The following CCDC192 variants were observed in gnomAD, a reference collection of about 807,000 sequenced individuals.
CCDC192 encodes coiled-coil domain containing 192, also known as coiled-coil domain-containing protein 192.
chr5:127,785,061 A>G (rs1249026609), intron 3 of CCDC192: 6 of 503,312 alleles, frequency 1.2e-5, no homozygotes, highest in South Asian at 4.4e-5. Context: ...TTTGAGTGCA[A>G]TCAGTCAGCT....
rs1754002190 is a variant in CCDC192, at chr5:127,930,646, AC to A, written c.536-10532del. 3.3e-5 allele frequency among the ~76,000 whole-genome samples: 5 copies of A among 152,198 alleles called. No individual in the cohort carries two copies. In the South Asian group the frequency reaches 1.0e-3, roughly 31 times the overall value. On this transcript the variant is annotated intron_variant, in intron 6 of 6. Transcript: ENST00000514853. The stretch of plus-strand genomic sequence containing the variant: ...AACAGTCTTCTCAACCTTACCAAGA[AC>A]CCCTTCTGTAAAATATTCTGATGTG...
At chr5:127,921,746 A>ACCT (rs914250385) in intron 6 of CCDC192, among the ~76,000 whole-genome samples, 1 of 151,830 alleles carries the variant, frequency 6.6e-6, no homozygotes, top group Non-Finnish European at 1.5e-5. Flanking sequence ...TAGGCCCCGA[A>ACCT]CCTCCCCTTG....
At chr5:127,937,719 G>A (rs968212240) in intron 6 of CCDC192, among the ~76,000 whole-genome samples, 3 of 152,310 alleles carry the variant, frequency 2.0e-5, no homozygotes, top group African/African-American at 4.8e-5. Flanking sequence ...CCAGAAGGGC[G>A]ATGTGGTCCT....
intron 2 of CCDC192, among the ~76,000 whole-genome samples, chr5:127,717,417 C>A (rs931368407): frequency 1.3e-5 from 2 of 151,944 alleles, no homozygotes; most frequent in Non-Finnish European, 2.9e-5. Context: ...AGCCTAAATT[C>A]TCTGCAGAAA....
intron 3 of CCDC192, among the ~76,000 whole-genome samples, chr5:127,768,348 G>A (rs1755351930): frequency 6.6e-6 from 1 of 152,056 alleles, no homozygotes; most frequent in African/African-American, 2.4e-5. Context: ...TGAAAATTTG[G>A]TCACACTCAT....
intron 5 of CCDC192, among the ~76,000 whole-genome samples, chr5:127,822,815 G>A (rs1204472442): frequency 6.6e-6 from 1 of 152,194 alleles, no homozygotes; most frequent in Non-Finnish European, 1.5e-5. Context: ...CCTCAAGCGT[G>A]AAGTGCTGTT....
intron 2 of CCDC192, among the ~76,000 whole-genome samples, chr5:127,720,081 A>G (rs1751932664): frequency 2.0e-5 from 3 of 152,116 alleles, no homozygotes; most frequent in Non-Finnish European, 4.4e-5. Flanking sequence ...ACCTTTCTCA[A>G]CAATCTCCCA....
At position 127,941,187 on chromosome 5, in the gene CCDC192, A is replaced by G; in HGVS notation, c.541A>G (p.Ser181Gly). 1 of 399,098 alleles carries G rather than the reference A, an allele frequency of 2.5e-6. No homozygotes were observed. The highest frequency in any genetic ancestry group is 4.4e-6 in the Non-Finnish European group (1 of 226,068). 24.7% of individuals were successfully genotyped at this position (399,098 alleles called of 1,614,324 possible). Residue 181 changes from serine (S) to glycine (G), a missense_variant, in exon 7 of 7, where the codon AGC becomes GGC. Physicochemically the swap from Ser to Gly is moderately conservative, Grantham distance 56 (BLOSUM62 0). Transcript: ENST00000514853. ...YEGKPAPREDSLLEGFCGGLP... is the reference protein window; with the variant it reads ...YEGKPAPREDGLLEGFCGGLP... ...CCTTTTCTTGTTTGCTTTAGAAGAC[A>G]GCTTGCTGGAAGGGTTCTGTGGAGG...
At chr5:127,720,649 G>A (rs111399951) in intron 2 of CCDC192, among the ~76,000 whole-genome samples, 1 of 152,202 alleles carries the variant, frequency 6.6e-6, no homozygotes, top group Non-Finnish European at 1.5e-5. Context: ...CCTAGTAGAG[G>A]TTCTCCATGA....
intron 5 of CCDC192, among the ~76,000 whole-genome samples, chr5:127,836,260 A>G (rs1168823089): frequency 6.6e-6 from 1 of 152,224 alleles, no homozygotes; most frequent in Non-Finnish European, 1.5e-5. Flanking sequence ...CCACACTGAT[A>G]CAAGAGGTGG....
chr5:127,765,017 A>G (rs1755140040), intron 3 of CCDC192, among the ~76,000 whole-genome samples: 1 of 152,180 alleles, frequency 6.6e-6, no homozygotes. Flanking sequence ...ACCAATGCAA[A>G]TCTCTTGAGG....
chr5:127,752,310 T>C (rs1754235438), intron 2 of CCDC192, among the ~76,000 whole-genome samples: 1 of 152,176 alleles, frequency 6.6e-6, no homozygotes, highest in Admixed American at 6.5e-5. Flanking sequence ...GTCCTTTCTG[T>C]TTGTTAGTTT....
chr5:127,744,046 G>A (rs993621140), intron 2 of CCDC192, among the ~76,000 whole-genome samples: 1 of 146,478 alleles, frequency 6.8e-6, no homozygotes, highest in East Asian at 2.0e-4. Context: ...GTGAGCCGAG[G>A]TTGCGCCACT....
chr5:127,845,832 A>G lies in CCDC192; in HGVS notation c.412-29706A>G, dbSNP rs893036265. On this transcript the variant is annotated intron_variant, in intron 5 of 6. Coordinates refer to ENST00000514853, the MANE Select transcript of CCDC192 (RefSeq NM_001317938.2). ...TATTAATGGTCCCTCACTGTACCCA[A>G]GGAGTAAGATATCATTCCTGTGTAT... Among the ~76,000 whole-genome samples, 4 of 152,346 alleles carry G rather than the reference A, an allele frequency of 2.6e-5. No individual in the cohort carries two copies. In the East Asian group the frequency reaches 7.7e-4, roughly 29 times the overall value.
chr5:127,933,237 C>T (rs1056611602), intron 6 of CCDC192, among the ~76,000 whole-genome samples: 6 of 152,132 alleles, frequency 3.9e-5, no homozygotes, highest in African/African-American at 9.7e-5. Context: ...CTGCATGAGA[C>T]GAAAAGTCGC....
chr5:127,860,381 T>C (rs1751304573), intron 5 of CCDC192, among the ~76,000 whole-genome samples: 1 of 152,200 alleles, frequency 6.6e-6, no homozygotes, highest in Non-Finnish European at 1.5e-5. Context: ...TTTGGAAAGT[T>C]TAACCCGGTG....
chr5:127,852,793 T>C (rs1750858762), intron 5 of CCDC192, among the ~76,000 whole-genome samples: 1 of 152,132 alleles, frequency 6.6e-6, no homozygotes, highest in African/African-American at 2.4e-5. Flanking sequence ...AGTTCATTGT[T>C]TTCAAATGCT....
chr5:127,770,736 T>C (rs894198576), intron 3 of CCDC192, among the ~76,000 whole-genome samples: 2 of 152,194 alleles, frequency 1.3e-5, no homozygotes, highest in African/African-American at 4.8e-5. Context: ...ACGATATAAT[T>C]TTGGCTTGTT....
Position 127,891,296 on chromosome 5 carries a change from C to T in CCDC192, c.535+15635C>T, listed in dbSNP as rs529386829. ...CTTGAACTCCTGACCTCAGGTGATCCGCCTGCCTTGGCCTCCCAAAGTGCT... is the reference window on the plus strand; with the variant it reads ...CTTGAACTCCTGACCTCAGGTGATCTGCCTGCCTTGGCCTCCCAAAGTGCT... On this transcript the variant is annotated intron_variant, in intron 6 of 6. Transcript: ENST00000514853. 1.6e-3 allele frequency among the ~76,000 whole-genome samples: 251 copies of T among 152,282 alleles called. 2 individuals are homozygous for T. The highest frequency in any genetic ancestry group is 2.3e-3 in the Admixed American group (35 of 15,300).
Sources: allele counts gnomAD v4.1 joint callset (sites outside exome capture counted in the v4.1 genomes callset), GRCh38; gene constraint gnomAD v4.1.1; transcripts MANE v1.5; gene names NCBI Gene and HGNC (gene_info 2026-07-23, HGNC 2026-07-21).